Variants in ZNF250 observed in about 807,000 individuals in gnomAD.
ZNF250 encodes the protein zinc finger protein 250.
A neutral mutation model predicts 37.1 loss-of-function variants in ZNF250; 13 were observed. The ratio of observed to expected loss-of-function variants is 0.35; its 90% CI spans 0.23 to 0.56. The LOEUF is 0.56. ZNF250 is among the 20% of genes least tolerant of loss of function. The pLI is 0.87. For synonymous variants in ZNF250, 251 were observed against 265.6 expected (o/e 0.94, Z 0.54); for missense variants, 474 against 697.9 (o/e 0.68, Z 3.61).
chr8:144,892,316 G>T (rs963071527), intron 1 of ZNF250, among the ~76,000 whole-genome samples: 1 of 152,170 alleles, frequency 6.6e-6, no homozygotes, highest in African/African-American at 2.4e-5. Flanking sequence ...GAATAGCCAA[G>T]AATTTAACTG....
rs1586880007 is a variant in ZNF250 at position 144,879,193 on chromosome 8, T to C, written c.*2322A>G. 1.3e-5 allele frequency: 2 copies of C among 152,224 alleles called. No individual in the cohort carries two copies. Among genetic ancestry groups the C allele is most frequent in the Admixed American group, 1.3e-4 (2 of 15,280 alleles). 9.4% of individuals were successfully genotyped at this position (152,224 alleles called of 1,614,324 possible). On this transcript the variant is annotated 3_prime_UTR_variant, in exon 6 of 6. Transcript: ENST00000417550. ...GTTTCACTTCAGTGATCTCAGTCCC[T>C]CTGAAGTAACACCTCAGTAATATTA...
intron 1 of ZNF250, among the ~76,000 whole-genome samples, chr8:144,896,199 A>C (rs1832712075): frequency 1.3e-5 from 2 of 151,852 alleles, no homozygotes; most frequent in South Asian, 4.1e-4. Flanking sequence ...GTCTCTATAA[A>C]AAAATTTAAA....
chr8:144,888,787 C>T (rs1479475497), intron 4 of ZNF250, among the ~76,000 whole-genome samples: 1 of 151,856 alleles, frequency 6.6e-6, no homozygotes, highest in Non-Finnish European at 1.5e-5. Flanking sequence ...CATGCTCTGT[C>T]CCCCAGGCTG....
Position 144,882,040 on chromosome 8 carries a change from G to C in ZNF250, c.1143C>G (p.His381Gln). Residue 381 changes from histidine to glutamine, a missense_variant, in exon 6 of 6, where the codon CAC (histidine) becomes CAG (glutamine). Physicochemically the swap from His to Gln is conservative, Grantham distance 24. Coordinates refer to ENST00000417550, the MANE Select transcript of ZNF250 (RefSeq NM_001109689.4). This position sits in a 1 kb window ranked among gnomAD's most constrained non-coding sequence, Gnocchi z 5.5. ...AGGGCTTCTCCCCGGTGTGCACGTT[G>C]TGGTGCTGAATGAGGACTGAGCGGT... ...FSDRSVLIQHHNVHTGEKPYE... is the reference protein window; with the variant it reads ...FSDRSVLIQHQNVHTGEKPYE... 8 of 1,611,230 alleles carry C rather than the reference G, an allele frequency of 5.0e-6. No individual in the cohort carries two copies. Among genetic ancestry groups the C allele is most frequent in the Non-Finnish European group, 6.8e-6 (8 of 1,179,182 alleles).
chr8:144,881,455 AG>A lies in ZNF250; in HGVS notation c.*59del. On this transcript the variant is annotated 3_prime_UTR_variant, in exon 6 of 6. Coordinates refer to ENST00000417550, the MANE Select transcript of ZNF250 (RefSeq NM_001109689.4). ...TTAACAGAGACTTCTCTTGGGCTGA[AG>A]GCTGCTTGTGGTTCCACATGCAGTT... is the stretch of plus-strand genomic sequence containing the variant. The A allele has an allele frequency of 6.6e-7, 1 of 1,518,934 alleles. No individual in the cohort carries two copies. The highest frequency in any genetic ancestry group is 8.8e-7 in the Non-Finnish European group (1 of 1,133,334). 94.1% of individuals were successfully genotyped at this position (1,518,934 alleles called of 1,614,324 possible).
intron 5 of ZNF250, among the ~76,000 whole-genome samples, chr8:144,884,003 A>G (rs1831692079): frequency 6.6e-6 from 1 of 152,172 alleles, no homozygotes; most frequent in Non-Finnish European, 1.5e-5. Flanking sequence ...TTTGCCTCCC[A>G]AAGTGCTGGG....
At chr8:144,893,442 T>G (rs973352932) in intron 1 of ZNF250, among the ~76,000 whole-genome samples, 1 of 152,154 alleles carries the variant, frequency 6.6e-6, no homozygotes, top group African/African-American at 2.4e-5. Flanking sequence ...GCGATCCTCC[T>G]ACCTTAGCCT....
chr8:144,889,590 C>T lies in ZNF250; in HGVS notation c.274G>A (p.Asp92Asn). Residue 92 changes from aspartate to asparagine, a missense_variant, in exon 4 of 6, where the codon GAC becomes AAC. Physicochemically the swap from Asp to Asn is conservative, Grantham distance 23. This residue lies in a region of ZNF250 where 192 missense variants were observed against 227.5 expected (regional missense o/e 0.84). Coordinates refer to ENST00000417550, the MANE Select transcript of ZNF250 (RefSeq NM_001109689.4). The part of the protein sequence containing the change: ...GAKKSQGLWS[D>N]YSDNLKYDHT... Reference sequence around the variant, plus strand: ...AGCTCTCCTCACTCACCTGAGTAGTCACTCCACAGGCCCTGGCTCTTCTTA... The same window carrying T: ...AGCTCTCCTCACTCACCTGAGTAGTTACTCCACAGGCCCTGGCTCTTCTTA... 11 of 1,613,064 alleles carry T rather than the reference C, an allele frequency of 6.8e-6. No individual in the cohort carries two copies. Among genetic ancestry groups the T allele is most frequent in the Non-Finnish European group, 5.9e-6 (7 of 1,179,114 alleles).
In ZNF250 at chr8:144,901,149, T is replaced by C. The variant is rs981883819; in HGVS notation, c.-55+250A>G. Among the ~76,000 whole-genome samples the C allele has an allele frequency of 1.2e-4, 15 of 120,122 alleles. No homozygotes were observed. The highest frequency in any genetic ancestry group is 1.4e-4 in the Non-Finnish European group (8 of 55,722). 78.8% of individuals were successfully genotyped at this position (120,122 alleles called of 152,430 possible). A position where few individuals can be genotyped will look rare whatever the true frequency, so the allele number is the denominator to read the frequency against. On this transcript the variant is annotated intron_variant, in intron 1 of 5. Transcript: ENST00000417550. This position sits in a 1 kb window ranked among gnomAD's most constrained non-coding sequence, Gnocchi z 5.4. ...CGAGGCCGTCCGAGGCGGACGGGGGTGCGGGAGGGCCTGAGGGGGTCCAAG... is the reference window on the plus strand; with the variant it reads ...CGAGGCCGTCCGAGGCGGACGGGGGCGCGGGAGGGCCTGAGGGGGTCCAAG...
chr8:144,886,786 G>T, intron 5 of ZNF250, 54 bp downstream of exon 5: 1 of 1,526,310 alleles, frequency 6.6e-7, no homozygotes, highest in Non-Finnish European at 9.1e-7. Context: ...TAAAACATTA[G>T]TGTTAACACC....
intron 1 of ZNF250, among the ~76,000 whole-genome samples, chr8:144,894,371 C>T (rs1370196470): frequency 6.6e-6 from 1 of 152,108 alleles, no homozygotes; most frequent in Non-Finnish European, 1.5e-5. Context: ...CAAGGTCCTC[C>T]CAGGACCCCA....
rs144155533 is a variant in ZNF250, at chr8:144,881,944, G to A, written c.1239C>T (p.Thr413=). The change falls in exon 6 of 6, where the codon ACC becomes ACT. Residue 413 remains threonine, a synonymous_variant. Coordinates refer to ENST00000417550, the MANE Select transcript of ZNF250 (RefSeq NM_001109689.4). ...STLMNHERIH[T]EEKPYACYEC... is the part of the protein sequence containing the mutation. The stretch of plus-strand genomic sequence containing the variant: ...CGTAGCATGCATAGGGCTTTTCCTC[G>A]GTGTGGATCCGCTCGTGATTCATCA... The A allele has an allele frequency of 8.4e-5, 136 of 1,613,206 alleles. No individual in the cohort carries two copies. The highest frequency in any genetic ancestry group is 1.6e-4 in the African/African-American group (12 of 74,690).
rs1833090466 is a variant in ZNF250, at chr8:144,901,291, G to C, written c.-55+108C>G. ...GGGACCAGCGTAAACGCAGGAGGCA[G>C]TGCGTGCTCGCGGGGAAGAGTCCAC... On this transcript the variant is annotated intron_variant, in intron 1 of 5. Transcript: ENST00000417550. The surrounding 1 kb of genome is among the most constrained non-coding windows in gnomAD (Gnocchi z 5.4). 1 of 152,344 alleles carries C rather than the reference G, an allele frequency of 6.6e-6. No homozygotes were observed. The highest frequency in any genetic ancestry group is 2.4e-5 in the African/African-American group (1 of 41,462). 9.4% of individuals were successfully genotyped at this position (152,344 alleles called of 1,614,324 possible). A position where few individuals can be genotyped will look rare whatever the true frequency, so the allele number is the denominator to read the frequency against.
At chr8:144,892,862 A>ATTT (rs34744587) in intron 1 of ZNF250, among the ~76,000 whole-genome samples, 4,046 of 135,108 alleles carry the variant, frequency 0.03, 213 homozygotes, top group East Asian at 0.2. Context: ...CCAGCCACCA[A>ATTT]TTTTTTTTTT....
rs913021501 is a variant in ZNF250, at chr8:144,891,480, G to T, written c.-54-1077C>A. ...CCTGTAATCTCAGCACTTTGGGAGG[G>T]TGAGGCAGGCACATCACCGGAGGTC... On this transcript the variant is annotated intron_variant, in intron 1 of 5. Coordinates refer to ENST00000417550, the MANE Select transcript of ZNF250 (RefSeq NM_001109689.4). This position sits in a 1 kb window ranked among gnomAD's most constrained non-coding sequence, Gnocchi z 4.0. Among the ~76,000 whole-genome samples the T allele has an allele frequency of 3.9e-5, 6 of 152,092 alleles. No individual in the cohort carries two copies. Among genetic ancestry groups the T allele is most frequent in the African/African-American group, 1.4e-4 (6 of 41,416 alleles).
Position 144,897,060 on chromosome 8 carries a change from G to A in ZNF250, c.-55+4339C>T, listed in dbSNP as rs549394622. 1.1e-3 allele frequency among the ~76,000 whole-genome samples: 175 copies of A among 152,302 alleles called. No homozygotes were observed. Among genetic ancestry groups the A allele is most frequent in the African/African-American group, 4.1e-3 (169 of 41,556 alleles). Reference sequence around the variant, plus strand: ...TCTTTAGGTGATCAAAAGCCACATCGCAGTGAGACATTCCTATCACTCTTT... The same window carrying A: ...TCTTTAGGTGATCAAAAGCCACATCACAGTGAGACATTCCTATCACTCTTT... On this transcript the variant is annotated intron_variant, in intron 1 of 5. Transcript: ENST00000417550. The surrounding 1 kb of genome is among the most constrained non-coding windows in gnomAD (Gnocchi z 5.2).
chr8:144,877,914 T>A lies in ZNF250; in HGVS notation c.*3601A>T, dbSNP rs1434208419. 6.6e-6 allele frequency: 1 copy of A among 152,244 alleles called. No individual in the cohort carries two copies. Among genetic ancestry groups the A allele is most frequent in the Non-Finnish European group, 1.5e-5 (1 of 68,038 alleles). The allele number at this position is 152,244 out of a possible 1,614,324, so 9.4% of individuals were successfully genotyped here. On this transcript the variant is annotated 3_prime_UTR_variant, in exon 6 of 6. Coordinates refer to ENST00000417550, the MANE Select transcript of ZNF250 (RefSeq NM_001109689.4). ...TGTATATTGAATTTAATTATTCTCA[T>A]CTTAATTGGAATATGACTTTGTCTT...
Position 144,880,250 on chromosome 8 carries a change from A to G in ZNF250, c.*1265T>C. 1 of 289,650 alleles carries G rather than the reference A, an allele frequency of 3.5e-6. No homozygotes were observed. Among genetic ancestry groups the G allele is most frequent in the Admixed American group, 4.1e-5 (1 of 24,164 alleles). The allele number at this position is 289,650 out of a possible 1,614,324, so 17.9% of individuals were successfully genotyped here. On this transcript the variant is annotated 3_prime_UTR_variant, in exon 6 of 6. Coordinates refer to ENST00000417550, the MANE Select transcript of ZNF250 (RefSeq NM_001109689.4). The stretch of plus-strand genomic sequence containing the variant: ...ATATAGGAATAGAAATACTAGAGAT[A>G]GTAAAAAAGAGCTATCTGAATTTGA...
At chr8:144,898,147 A>C (rs929994177) in intron 1 of ZNF250, among the ~76,000 whole-genome samples, 2 of 152,076 alleles carry the variant, frequency 1.3e-5, no homozygotes, top group Non-Finnish European at 2.9e-5. Flanking sequence ...AAATACAAAA[A>C]TTAGCTGGGT....
Sources: gnomAD v4.1 joint callset for allele counts (sites outside exome capture counted in the v4.1 genomes callset) on GRCh38, gnomAD v4.1.1 for gene constraint, gnomAD v4.1.1 regional missense constraint, Gnocchi (gnomAD v3.1) non-coding constraint, MANE v1.5 for transcripts, NCBI Gene and HGNC (gene_info 2026-07-23, HGNC 2026-07-21) for gene names.